Variants in KDM4B observed in about 807,000 individuals in gnomAD.
The protein encoded by KDM4B is lysine demethylase 4B.
In KDM4B, 32 loss-of-function variants were observed where a neutral mutation model predicts 125.2. That is an observed-to-expected ratio of 0.26 (90% confidence interval 0.19 to 0.34). KDM4B has a LOEUF of 0.34. Among genes scored for constraint, KDM4B ranks in the 10% least tolerant of loss-of-function variants. KDM4B has a pLI of 1.00. For synonymous variants in KDM4B, 721 were observed against 677.9 expected, an observed-to-expected ratio of 1.06 and a Z score of -0.99; for missense variants, 1,190 against 1,577.7, an observed-to-expected ratio of 0.75 and a Z score of 4.16.
intron 5 of KDM4B, among the ~76,000 whole-genome samples, chr19:5,046,440 A>G (rs1193296404): frequency 6.6e-6 from 1 of 152,174 alleles, no homozygotes; most frequent in Non-Finnish European, 1.5e-5. Flanking sequence ...CACCTTGCAA[A>G]GGAACCGCTG....
At chr19:5,091,021 C>T (rs934748125) in intron 9 of KDM4B, among the ~76,000 whole-genome samples, 5 of 152,174 alleles carry the variant, frequency 3.3e-5, no homozygotes, top group Non-Finnish European at 5.9e-5. Context: ...AGTGGGATTA[C>T]TAATGGGGCA....
intron 6 of KDM4B, among the ~76,000 whole-genome samples, chr19:5,063,252 C>G (rs2037662146): frequency 6.6e-6 from 1 of 152,158 alleles, no homozygotes; most frequent in South Asian, 2.1e-4. Context: ...GCCTACTGTG[C>G]TTGACTCACT....
intron 12 of KDM4B, 93 bp downstream of exon 12, chr19:5,131,638 G>A (rs1392958729): frequency 3.2e-6 from 2 of 634,832 alleles, no homozygotes; most frequent in African/African-American, 1.9e-5. Flanking sequence ...GCTGGTGGCG[G>A]GGGAGGGGGC....
chr19:4,974,180 A>G (rs7257392), intron 1 of KDM4B, among the ~76,000 whole-genome samples: 150,846 of 152,010 alleles, frequency 0.99, 74,847 homozygotes, highest in Middle Eastern at 1. Flanking sequence ...GGCAGATCAC[A>G]AGGTCAGGAG....
intron 10 of KDM4B, chr19:5,119,071 G>A (rs771168557): frequency 8.1e-7 from 1 of 1,239,940 alleles, no homozygotes; most frequent in South Asian, 1.3e-5. Context: ...GTCCTGGGGA[G>A]TTGAGCAGAA....
At chr19:5,009,014 A>G (rs1018217656) in intron 1 of KDM4B, among the ~76,000 whole-genome samples, 4 of 149,994 alleles carry the variant, frequency 2.7e-5, no homozygotes, top group Admixed American at 2.7e-4. Flanking sequence ...TCCCAGGTTC[A>G]AGTAATTCTC....
At position 5,114,476 on chromosome 19, in the gene KDM4B, CA is replaced by C. The variant is rs1261831969; in HGVS notation, c.1115+3660del. 1 of 375,658 alleles carries C rather than the reference CA, an allele frequency of 2.7e-6. No homozygotes were observed. Among genetic ancestry groups the C allele is most frequent in the Non-Finnish European group, 5.4e-6 (1 of 186,436 alleles). The allele number at this position is 375,658 out of a possible 1,614,324, so 23.3% of individuals were successfully genotyped here. ...AGCTGCATTCCTGAGCCCTCCCCAC[CA>C]ACAGGGACCTCAGCCCTCAGGGACA... On this transcript the variant is annotated intron_variant, in intron 10 of 22. Coordinates refer to ENST00000159111, the MANE Select transcript of KDM4B (RefSeq NM_015015.3). This position sits in a 1 kb window ranked among gnomAD's most constrained non-coding sequence, Gnocchi z 5.8.
chr19:5,146,939 C>CGAA (rs2039858800), intron 21 of KDM4B, among the ~76,000 whole-genome samples: 1 of 60,556 alleles, frequency 1.7e-5, no homozygotes, highest in African/African-American at 7.0e-5. Context: ...ACCCTGTCTC[C>CGAA]AAAAAAAAAA....
chr19:4,970,910 C>T (rs1443490503), intron 1 of KDM4B, among the ~76,000 whole-genome samples: 1 of 151,970 alleles, frequency 6.6e-6, no homozygotes, highest in East Asian at 1.9e-4. Context: ...CGGGCGCTCC[C>T]CCTCCTTGAG....
At chr19:5,128,862 G>C (rs1458087804) in intron 11 of KDM4B, among the ~76,000 whole-genome samples, 3 of 65,276 alleles carry the variant, frequency 4.6e-5, no homozygotes, top group African/African-American at 1.6e-4. Flanking sequence ...GCGGGGGGCG[G>C]GGGGGGGGGT....
Position 5,071,026 on chromosome 19 carries a change from G to C in KDM4B, c.643G>C (p.Glu215Gln). The C allele has an allele frequency of 6.2e-7, 1 of 1,613,522 alleles. No homozygotes were observed. Among genetic ancestry groups the C allele is most frequent in the Middle Eastern group, 1.6e-4 (1 of 6,062 alleles). ...CTCTCGCAGGTACGCCATCCCACCA[G>C]AGCACGGCAAGCGCCTGGAGCGGCT... ...EPKSWYAIPP[E>Q]HGKRLERLAI... Residue 215 changes from glutamate (E) to glutamine (Q), a missense_variant, in exon 7 of 23, where the codon GAG becomes CAG. Coordinates refer to ENST00000159111, the MANE Select transcript of KDM4B (RefSeq NM_015015.3).
In KDM4B at chr19:5,060,433, C is replaced by CAAAAAAAAAAAAAA. The variant is rs901472663; in HGVS notation, c.627-10560_627-10547dup. Among the ~76,000 whole-genome samples the CAAAAAAAAAAAAAA allele has an allele frequency of 2.9e-3, 96 of 32,964 alleles. 14 individuals carry two copies. The highest frequency in any genetic ancestry group is 4.8e-3 in the Non-Finnish European group (74 of 15,464). 21.6% of individuals were successfully genotyped at this position (32,964 alleles called of 152,430 possible). A position where few individuals can be genotyped will look rare whatever the true frequency, so the allele number is the denominator to read the frequency against. Reference sequence around the variant, plus strand: ...GGGTGACGGAGGAAGACTCTGTCTCCAAAAAAAAAAAAAAAAAAAAAAAAA... The same window carrying CAAAAAAAAAAAAAA: ...GGGTGACGGAGGAAGACTCTGTCTCCAAAAAAAAAAAAAAAAAAAAAAAAAAAAAAAAAAAAAAA... On this transcript the variant is annotated intron_variant, in intron 6 of 22. Coordinates refer to ENST00000159111, the MANE Select transcript of KDM4B (RefSeq NM_015015.3).
intron 9 of KDM4B, among the ~76,000 whole-genome samples, chr19:5,089,235 A>G (rs1356510297): frequency 2.6e-5 from 4 of 152,242 alleles, no homozygotes; most frequent in Admixed American, 6.5e-5. Flanking sequence ...GCTCTCAGCA[A>G]ATCAGGAACA....
intron 5 of KDM4B, among the ~76,000 whole-genome samples, chr19:5,041,540 G>A (rs2145669741): frequency 6.6e-6 from 1 of 152,316 alleles, no homozygotes; most frequent in Middle Eastern, 3.4e-3. Context: ...ACAAACACGT[G>A]TACTTTCCCA....
At chr19:4,969,590 C>T (rs1000656593) in intron 1 of KDM4B, among the ~76,000 whole-genome samples, 18 of 151,770 alleles carry the variant, frequency 1.2e-4, no homozygotes, top group Non-Finnish European at 2.2e-4. Flanking sequence ...CCCGGCCGGG[C>T]CCTTTTATCA....
chr19:5,072,616 C>T (rs1168943777), intron 7 of KDM4B, among the ~76,000 whole-genome samples: 2 of 152,158 alleles, frequency 1.3e-5, no homozygotes, highest in Non-Finnish European at 2.9e-5. Context: ...TTTTTAATAC[C>T]AATTTCCAAA....
In KDM4B at chr19:5,041,148, C is replaced by T. The variant is rs766480502; in HGVS notation, c.329C>T (p.Pro110Leu). The stretch of plus-strand genomic sequence containing the variant: ...TGTTTGTTCACCAGGTACTGTACCC[C>T]GCGGCACCAGGACTTTGATGACCTT... ...RLANSEKYCT[P>L]RHQDFDDLER... The change falls in exon 5 of 23, where the codon CCG becomes CTG. Residue 110 changes from proline to leucine, a missense_variant. Transcript: ENST00000159111. 2 of 1,611,188 alleles carry T rather than the reference C, an allele frequency of 1.2e-6. No homozygotes were observed.
chr19:5,102,983 G>A (rs751812948), intron 9 of KDM4B, among the ~76,000 whole-genome samples: 9 of 152,202 alleles, frequency 5.9e-5, no homozygotes, highest in Admixed American at 1.3e-4. Context: ...AGCCATAGTC[G>A]CCTCTCCTGG....
chr19:4,993,867 C>A (rs950414648), intron 1 of KDM4B, among the ~76,000 whole-genome samples: 1 of 152,032 alleles, frequency 6.6e-6, no homozygotes, highest in African/African-American at 2.4e-5. Flanking sequence ...CCACCTTGGC[C>A]TCCTGAAGTG....
Sources: allele counts gnomAD v4.1 joint callset (sites outside exome capture counted in the v4.1 genomes callset), GRCh38; gene constraint gnomAD v4.1.1; non-coding constraint Gnocchi (gnomAD v3.1); transcripts MANE v1.5; gene names NCBI Gene and HGNC (gene_info 2026-07-23, HGNC 2026-07-21).